Variants in COMMD7 observed in about 807,000 individuals in gnomAD.
COMMD7 encodes COMM domain-containing protein 7.
A neutral mutation model predicts 34.8 loss-of-function variants in COMMD7; 28 were observed. The ratio of observed to expected loss-of-function variants is 0.80; its 90% CI spans 0.60 to 1.10. The LOEUF is 1.10. Ranked by LOEUF, COMMD7 falls within the 50% of genes least tolerant of loss-of-function variation. The probability of loss-of-function intolerance (pLI) is 0.00; values close to 1 mark genes in which losing one functional copy is unlikely to be tolerated. For synonymous variants in COMMD7, 80 were observed against 86.4 expected (o/e 0.93, Z 0.41); for missense variants, 211 against 241.6 (o/e 0.87, Z 0.84).
chr20:32,703,725 A>G (rs891575550), intron 8 of COMMD7: 122 of 1,451,622 alleles, frequency 8.4e-5, no homozygotes, highest in Admixed American at 3.4e-4. Context: ...GGGATGTTCA[A>G]TGTGACTTCT....
At chr20:32,704,553 G>T (rs1882200332) in intron 6 of COMMD7, 64 bp from the exon 7 acceptor site, 5 of 1,524,318 alleles carry the variant, frequency 3.3e-6, no homozygotes, top group South Asian at 1.2e-5. Flanking sequence ...ATTGAGGACT[G>T]ACCCTGAAGA....
intron 3 of COMMD7, among the ~76,000 whole-genome samples, chr20:32,720,881 C>T (rs6057628): frequency 0.69 from 105,044 of 152,012 alleles, 37,000 homozygotes; most frequent in Middle Eastern, 0.82. Context: ...TCGCTCTGCA[C>T]GTACTGAGCA....
intron 3 of COMMD7, among the ~76,000 whole-genome samples, chr20:32,727,106 T>C (rs1368422391): frequency 1.0e-5 from 1 of 97,712 alleles, no homozygotes; most frequent in Non-Finnish European, 2.5e-5. Context: ...TGCACACCTG[T>C]GGTCCCAGCT....
At chr20:32,743,265 A>T in intron 1 of COMMD7, 43 bp downstream of exon 1, 1 of 607,696 alleles carries the variant, frequency 1.6e-6, no homozygotes, top group Non-Finnish European at 2.7e-6. Flanking sequence ...CGGATCCTGG[A>T]ATCACCTGGG....
At position 32,733,413 on chromosome 20, in the gene COMMD7, C is replaced by T. The variant is rs1158757853; in HGVS notation, c.85-5271G>A. The stretch of plus-strand genomic sequence containing the variant: ...CTGGCCAACTTAGCCAAACAAACCC[C>T]GTCTCTACTAAAAATTCAAAAATGG... On this transcript the variant is annotated intron_variant, in intron 1 of 8. Transcript: ENST00000278980. 3.4e-5 allele frequency among the ~76,000 whole-genome samples: 5 copies of T among 148,460 alleles called. No individual in the cohort carries two copies. In the South Asian group the frequency reaches 6.4e-4, roughly 19 times the overall value.
chr20:32,727,960 G>A lies in COMMD7; in HGVS notation c.174C>T (p.Ala58=). The A allele has an allele frequency of 6.2e-7, 1 of 1,614,138 alleles. No homozygotes were observed. The highest frequency in any genetic ancestry group is 1.1e-5 in the South Asian group (1 of 91,082). The change falls in exon 3 of 9, where the codon GCC becomes GCT. Residue 58 remains alanine (A), a synonymous_variant. Transcript: ENST00000278980. The part of the protein sequence containing the change: ...ERFLAQLSEF[A]TTNQISLGSL... ...AGCCAAGACTGATCTGATTGGTGGTGGCAAATTCAGAGAGCTGAGCCAGAA... is the reference window on the plus strand; with the variant it reads ...AGCCAAGACTGATCTGATTGGTGGTAGCAAATTCAGAGAGCTGAGCCAGAA...
chr20:32,714,015 A>T (rs1300243124), intron 3 of COMMD7, among the ~76,000 whole-genome samples: 1 of 152,166 alleles, frequency 6.6e-6, no homozygotes, highest in Non-Finnish European at 1.5e-5. Context: ...TGGGAGGCTG[A>T]GGCAGGAGAA....
chr20:32,740,334 G>A (rs1039604248), intron 1 of COMMD7, among the ~76,000 whole-genome samples: 2 of 151,608 alleles, frequency 1.3e-5, no homozygotes, highest in Non-Finnish European at 2.9e-5. Context: ...AAAAGAAAAG[G>A]GCTAAACTAC....
chr20:32,741,252 G>C (rs915619432), intron 1 of COMMD7, among the ~76,000 whole-genome samples: 1 of 151,974 alleles, frequency 6.6e-6, no homozygotes, highest in African/African-American at 2.4e-5. Context: ...TGCTGCCCAG[G>C]CTGGAGTGCA....
At chr20:32,709,759 A>G (rs1438251228) in intron 3 of COMMD7, among the ~76,000 whole-genome samples, 2 of 151,650 alleles carry the variant, frequency 1.3e-5, no homozygotes, top group Non-Finnish European at 2.9e-5. Flanking sequence ...ACAGCTTTCT[A>G]CCCCTGGCCA....
chr20:32,707,818 C>T (rs1307546744), intron 3 of COMMD7, among the ~76,000 whole-genome samples: 1 of 151,914 alleles, frequency 6.6e-6, no homozygotes, highest in Non-Finnish European at 1.5e-5. Context: ...CCACCTAGAG[C>T]TCCACAATGC....
In COMMD7 at chr20:32,742,136, G is replaced by A. The variant is rs559664940; in HGVS notation, c.84+1172C>T. Among the ~76,000 whole-genome samples the A allele has an allele frequency of 1.1e-4, 17 of 152,030 alleles. No homozygotes were observed. The East Asian group carries it at 2.5e-3, about 22-fold the overall frequency. ...TGGGAGGCGGAGGTTGCAGTGACCC[G>A]AGATCGCGCCACTGCACTCCAGCCT... On this transcript the variant is annotated intron_variant, in intron 1 of 8. Transcript: ENST00000278980.
intron 1 of COMMD7, among the ~76,000 whole-genome samples, chr20:32,737,782 G>A (rs1347012622): frequency 6.6e-6 from 1 of 151,418 alleles, no homozygotes; most frequent in Non-Finnish European, 1.5e-5. Context: ...AGACTGCAGT[G>A]AGCCATTATT....
At chr20:32,727,866 C>T (rs867357658) in intron 3 of COMMD7, 27 bp downstream of exon 3, 3 of 1,528,524 alleles carry the variant, frequency 2.0e-6, no homozygotes, top group Middle Eastern at 3.4e-4. Flanking sequence ...ATGTCTCTGG[C>T]CACAGCTGCT....
intron 6 of COMMD7, 115 bp downstream of exon 6, chr20:32,704,699 C>T: frequency 2.4e-6 from 2 of 831,912 alleles, no homozygotes; most frequent in South Asian, 1.6e-5. Flanking sequence ...ACAGCAGCTG[C>T]TGCCCCAACA....
chr20:32,728,447 T>TAC (rs112717200), intron 1 of COMMD7, among the ~76,000 whole-genome samples: 158 of 150,850 alleles, frequency 1.0e-3, no homozygotes, highest in South Asian at 4.0e-3. Flanking sequence ...CAGACAGACA[T>TAC]ACACACACAC....
intron 3 of COMMD7, among the ~76,000 whole-genome samples, chr20:32,713,601 G>A (rs1984598094): frequency 6.6e-6 from 1 of 152,182 alleles, no homozygotes; most frequent in Non-Finnish European, 1.5e-5. Context: ...TACTGACCCT[G>A]AAGGCTGACC....
At position 32,714,568 on chromosome 20, in the gene COMMD7, G is replaced by A. The variant is rs1311811275; in HGVS notation, c.242-7808C>T. On this transcript the variant is annotated intron_variant, in intron 3 of 8. Transcript: ENST00000278980. ...AGGCCAGGCACGGTGGCTCATACCT[G>A]TAGTCCCAGCACCTTGGGAGGCTGA... 2.6e-5 allele frequency among the ~76,000 whole-genome samples: 4 copies of A among 151,948 alleles called. No individual in the cohort carries two copies. In the South Asian group the frequency reaches 6.3e-4, roughly 24 times the overall value.
chr20:32,743,236 G>GGGCCCCCCCCCCCCCGGCCCCCCACCC, intron 1 of COMMD7, 72 bp downstream of exon 1: 1 of 555,858 alleles, frequency 1.8e-6, no homozygotes, highest in Non-Finnish European at 3.1e-6. Context: ...ACCCCCGGAC[G>GGGCCCCCCCCCCCCCGGCCCCCCACCC]TCCCCCCCAC....
Sources: allele counts gnomAD v4.1 joint callset (sites outside exome capture counted in the v4.1 genomes callset), GRCh38; gene constraint gnomAD v4.1.1; transcripts MANE v1.5; gene names NCBI Gene and HGNC (gene_info 2026-07-23, HGNC 2026-07-21).